Variants in SPTBN1 observed in about 807,000 individuals in gnomAD.
The protein encoded by SPTBN1 is spectrin beta, non-erythrocytic 1, also known as spectrin beta chain, non-erythrocytic 1.
SPTBN1 carries 32 observed loss-of-function variants against 266.4 expected under a neutral mutation model. That is an observed-to-expected ratio of 0.12 (90% CI 0.09 to 0.16). The LOEUF (loss-of-function observed/expected upper bound fraction) is 0.16. Among genes scored for constraint, SPTBN1 ranks in the 10% least tolerant of loss-of-function variants. SPTBN1 has a pLI of 1.00. For missense variants in SPTBN1, 2,296 were observed against 3,067.1 expected, an observed-to-expected ratio of 0.75 and a Z score of 5.94; for synonymous variants, 1,336 against 1,162.2, an observed-to-expected ratio of 1.15 and a Z score of -3.04.
intron 1 of SPTBN1, among the ~76,000 whole-genome samples, chr2:54,473,084 T>A (rs1694008075): frequency 6.6e-6 from 1 of 152,364 alleles, no homozygotes; most frequent in Non-Finnish European, 1.5e-5. Context: ...TTTGTTTCAC[T>A]GTCTTCATAT....
At chr2:54,608,536 T>G (rs904855360) in intron 3 of SPTBN1, among the ~76,000 whole-genome samples, 9 of 152,030 alleles carry the variant, frequency 5.9e-5, no homozygotes, top group African/African-American at 2.2e-4. Flanking sequence ...CCTGGCATCT[T>G]TATGAGATGG....
chr2:54,461,414 A>G (rs2103792646), intron 1 of SPTBN1, among the ~76,000 whole-genome samples: 1 of 152,276 alleles, frequency 6.6e-6, no homozygotes, highest in South Asian at 2.1e-4. Context: ...TGGTTTTTGT[A>G]CACGGCTCTT....
At chr2:54,474,691 G>A (rs1341052119) in intron 1 of SPTBN1, among the ~76,000 whole-genome samples, 1 of 152,096 alleles carries the variant, frequency 6.6e-6, no homozygotes, top group Non-Finnish European at 1.5e-5. Context: ...TGGAATTACC[G>A]TAACTATGTA....
rs879114885 is a variant in SPTBN1, at chr2:54,632,706, G to A, written c.3705G>A (p.Leu1235=). The A allele has an allele frequency of 1.2e-6, 2 of 1,614,204 alleles. No individual in the cohort carries two copies. The highest frequency in any genetic ancestry group is 1.7e-6 in the Non-Finnish European group (2 of 1,180,032). ...CTGTGGTGGAGACTGGCCGGAGGCT[G>A]GTGAGCGATGGGAACATCAACTCAG... is the stretch of plus-strand genomic sequence containing the variant. ...INAVVETGRR[L]VSDGNINSDR... is the part of the protein sequence containing the mutation. Residue 1235 remains leucine, a synonymous_variant, in exon 17 of 36, where the codon CTG becomes CTA. Coordinates refer to ENST00000356805, the MANE Select transcript of SPTBN1 (RefSeq NM_003128.3).
intron 2 of SPTBN1, among the ~76,000 whole-genome samples, chr2:54,579,659 A>T (rs1306577390): frequency 3.3e-5 from 5 of 152,232 alleles, no homozygotes; most frequent in Non-Finnish European, 7.3e-5. Flanking sequence ...TGGAGTTCTG[A>T]AAAGTACCTT....
intron 32 of SPTBN1, chr2:54,663,240 C>A (rs1371388145): frequency 6.6e-6 from 1 of 152,200 alleles, no homozygotes; most frequent in African/African-American, 2.4e-5. Flanking sequence ...GTTGTTACTG[C>A]TAATTTGGTG....
At chr2:54,594,747 A>AT (rs1307563203) in intron 2 of SPTBN1, among the ~76,000 whole-genome samples, 1 of 151,080 alleles carries the variant, frequency 6.6e-6, no homozygotes, top group African/African-American at 2.4e-5. Context: ...TGAAGAAGGG[A>AT]TTTTTTGAAA....
intron 2 of SPTBN1, among the ~76,000 whole-genome samples, chr2:54,561,752 TATAA>T (rs1673319091): frequency 6.7e-6 from 1 of 148,504 alleles, no homozygotes; most frequent in South Asian, 2.1e-4. Context: ...TATATTTATA[TATAA>T]ATATAGTTAT....
intron 1 of SPTBN1, among the ~76,000 whole-genome samples, chr2:54,496,343 C>T (rs1018499606): frequency 1.3e-5 from 2 of 149,476 alleles, no homozygotes; most frequent in Non-Finnish European, 2.9e-5. Flanking sequence ...GAGGCTGAGG[C>T]TGGAGAATTG....
chr2:54,658,528 A>G (rs1252563744), intron 30 of SPTBN1, among the ~76,000 whole-genome samples: 3 of 152,180 alleles, frequency 2.0e-5, no homozygotes, highest in African/African-American at 7.2e-5. Context: ...TTCCTCTCCC[A>G]AGACTTTTGC....
At chr2:54,624,390 T>C (rs981912207) in intron 10 of SPTBN1, among the ~76,000 whole-genome samples, 5 of 152,178 alleles carry the variant, frequency 3.3e-5, no homozygotes, top group Admixed American at 6.5e-5. Flanking sequence ...AAATTTCAGA[T>C]GTGTAAATTT....
chr2:54,570,682 G>A (rs919469771), intron 2 of SPTBN1, among the ~76,000 whole-genome samples: 2 of 152,166 alleles, frequency 1.3e-5, no homozygotes, highest in Admixed American at 6.5e-5. Context: ...TGGAATTGGC[G>A]TGCCAACAGT....
chr2:54,657,953 C>G lies in SPTBN1; in HGVS notation c.6150C>G (p.Asp2050Glu). 1 of 1,614,206 alleles carries G rather than the reference C, an allele frequency of 6.2e-7. No homozygotes were observed. The highest frequency in any genetic ancestry group is 8.5e-7 in the Non-Finnish European group (1 of 1,180,036). Residue 2050 changes from aspartate to glutamate, a missense_variant, in exon 30 of 36, where the codon GAC (aspartate) becomes GAG (glutamate). This residue lies in a region of SPTBN1 where 644 missense variants were observed against 745.3 expected (regional missense o/e 0.86). Transcript: ENST00000356805. The stretch of plus-strand genomic sequence containing the variant: ...GCCGAGAGATAGGCCAGAGCGTGGA[C>G]GAGGTGGAGAAGCTCATCAAGCGCC... ...LSSREIGQSV[D>E]EVEKLIKRHE...
intron 2 of SPTBN1, among the ~76,000 whole-genome samples, chr2:54,565,581 CA>C (rs1673610215): frequency 6.6e-6 from 1 of 152,072 alleles, no homozygotes; most frequent in South Asian, 2.1e-4. Context: ...GATAGTTCAG[CA>C]AGGCATCAAG....
chr2:54,621,349 TG>T, intron 7 of SPTBN1, 50 bp from the exon 8 acceptor site: 1 of 1,370,972 alleles, frequency 7.3e-7, no homozygotes, highest in Non-Finnish European at 1.0e-6. Flanking sequence ...GCTACCTGGG[TG>T]GGGCACAGTA....
At chr2:54,602,490 C>T (rs1676563080) in intron 3 of SPTBN1, among the ~76,000 whole-genome samples, 1 of 152,228 alleles carries the variant, frequency 6.6e-6, no homozygotes, top group African/African-American at 2.4e-5. Context: ...TCATGGGCGT[C>T]TGCAGTGAAG....
intron 34 of SPTBN1, 150 bp from the exon 35 acceptor site, chr2:54,667,454 G>A (rs575106013): frequency 1.3e-4 from 78 of 605,316 alleles, no homozygotes; most frequent in Middle Eastern, 2.8e-4. Flanking sequence ...GGGCCTGGGC[G>A]GGTCCCCAGG....
chr2:54,464,875 A>G (rs1693548602), intron 1 of SPTBN1, among the ~76,000 whole-genome samples: 1 of 151,930 alleles, frequency 6.6e-6, no homozygotes, highest in African/African-American at 2.4e-5. Flanking sequence ...ATTTTTTTAT[A>G]GAGACGAGGT....
chr2:54,624,396 A>G (rs967848709), intron 10 of SPTBN1, among the ~76,000 whole-genome samples: 1 of 152,192 alleles, frequency 6.6e-6, no homozygotes, highest in African/African-American at 2.4e-5. Flanking sequence ...CAGATGTGTA[A>G]ATTTTTTAAA....
Sources: gnomAD v4.1 joint callset for allele counts (sites outside exome capture counted in the v4.1 genomes callset) on GRCh38, gnomAD v4.1.1 for gene constraint, gnomAD v4.1.1 regional missense constraint, MANE v1.5 for transcripts, NCBI Gene and HGNC (gene_info 2026-07-23, HGNC 2026-07-21) for gene names.